SCUBE3: variants seen among roughly 807,000 people sequenced by gnomAD.
The protein encoded by SCUBE3 is signal peptide, CUB and EGF-like domain-containing protein 3.
In SCUBE3, 33 loss-of-function variants were observed where a neutral mutation model predicts 116.8. That is an observed-to-expected ratio of 0.28 (90% confidence interval 0.21 to 0.38). SCUBE3 has a LOEUF of 0.38. Ranked by LOEUF, SCUBE3 falls within the 10% of genes least tolerant of loss-of-function variation. SCUBE3 has a pLI of 1.00. For missense variants in SCUBE3, 1,007 were observed against 1,324.8 expected (o/e 0.76, Z 3.72); for synonymous variants, 418 against 496.9 (o/e 0.84, Z 2.11).
chr6:35,221,957 G>A (rs984020966), intron 1 of SCUBE3: 3 of 152,236 alleles, frequency 2.0e-5, no homozygotes, highest in Admixed American at 1.3e-4. Flanking sequence ...CATTCAAGGA[G>A]AGGAAAATAG....
Position 35,248,699 on chromosome 6 carries a change from C to CAAAT in SCUBE3, c.2978_2981dup (p.Ter994=). On this transcript the variant is annotated frameshift_variant, in exon 22 of 22. Transcript: ENST00000274938. LOFTEE classifies it high-confidence loss of function. ...AAGTTTCCAGCTTCCTGAGGCCCTA[C>CAAAT]AAATAGTAACCCTAGGCTCAGAGAC... 2 of 1,613,882 alleles carry CAAAT rather than the reference C, an allele frequency of 1.2e-6. No individual in the cohort carries two copies. Among genetic ancestry groups the CAAAT allele is most frequent in the Non-Finnish European group, 1.7e-6 (2 of 1,179,920 alleles).
At chr6:35,222,274 T>TA (rs1783145773) in intron 1 of SCUBE3, 1 of 152,198 alleles carries the variant, frequency 6.6e-6, no homozygotes, top group Non-Finnish European at 1.5e-5. Context: ...ATGAAGTATT[T>TA]ACTTGGGAAT....
intron 21 of SCUBE3, among the ~76,000 whole-genome samples, chr6:35,247,319 T>C (rs1784383390): frequency 6.6e-6 from 1 of 150,930 alleles, no homozygotes; most frequent in Non-Finnish European, 1.5e-5. Context: ...GCGCCTGCAA[T>C]CCCAGCTACT....
intron 1 of SCUBE3, among the ~76,000 whole-genome samples, chr6:35,217,248 CGCGGCGGGGGG>C (rs1782950184): frequency 3.4e-3 from 2 of 582 alleles, no homozygotes; most frequent in Admixed American, 9.6e-3. Flanking sequence ...GGGGGGGAGG[CGCGGCGGGGGG>C]GGGGGTGTGT....
chr6:35,215,183 C>T (rs1397175525), intron 1 of SCUBE3, among the ~76,000 whole-genome samples: 4 of 152,124 alleles, frequency 2.6e-5, no homozygotes, highest in African/African-American at 9.7e-5. Flanking sequence ...ATTAAGGCCT[C>T]GGGTTTCCAA....
Position 35,243,009 on chromosome 6 carries a change from A to G in SCUBE3, c.1694-12A>G. 1 of 1,613,130 alleles carries G rather than the reference A, an allele frequency of 6.2e-7. No individual in the cohort carries two copies. Among genetic ancestry groups the G allele is most frequent in the Non-Finnish European group, 8.5e-7 (1 of 1,179,300 alleles). On this transcript the variant is annotated splice_polypyrimidine_tract_variant and intron_variant, in intron 14 of 21. Coordinates refer to ENST00000274938, the MANE Select transcript of SCUBE3 (RefSeq NM_152753.4). The surrounding 1 kb of genome is among the most constrained non-coding windows in gnomAD (Gnocchi z 6.6). The stretch of plus-strand genomic sequence containing the variant: ...TTTCTCCTCCCTGATACACACGGCC[A>G]TCCACCACCAGCCAGCTGTGGGCTG...
intron 1 of SCUBE3, among the ~76,000 whole-genome samples, chr6:35,226,479 C>CTTTTTTTTTTTTTTTTTTTT (rs1562044702): frequency 1.7e-4 from 9 of 52,164 alleles, no homozygotes; most frequent in South Asian, 1.1e-3. Flanking sequence ...TTTTCTATGT[C>CTTTTTTTTTTTTTTTTTTTT]CTTTTTTTTT....
Position 35,233,418 on chromosome 6 carries a change from G to A in SCUBE3, c.712+117G>A, listed in dbSNP as rs1029807696. 1 of 690,256 alleles carries A rather than the reference G, an allele frequency of 1.4e-6. No homozygotes were observed. Among genetic ancestry groups the A allele is most frequent in the Non-Finnish European group, 2.6e-6 (1 of 385,182 alleles). 42.8% of individuals were successfully genotyped at this position (690,256 alleles called of 1,614,324 possible). On this transcript the variant is annotated intron_variant, in intron 6 of 21. Coordinates refer to ENST00000274938, the MANE Select transcript of SCUBE3 (RefSeq NM_152753.4). The surrounding 1 kb of genome is among the most constrained non-coding windows in gnomAD (Gnocchi z 5.7). ...CCAGGTGCTGGGCACAGAGGGACTG[G>A]TGAGGGAGTTAAGACCCAGAAAATG...
intron 1 of SCUBE3, chr6:35,224,270 G>C (rs1171697443): frequency 6.6e-6 from 1 of 152,248 alleles, no homozygotes; most frequent in Admixed American, 6.5e-5. Flanking sequence ...TAAGCATTGT[G>C]AGCAGGGAGG....
At position 35,242,768 on chromosome 6, in the gene SCUBE3, G is replaced by C. The variant is rs771897021; in HGVS notation, c.1681G>C (p.Glu561Gln). The C allele has an allele frequency of 6.2e-7, 1 of 1,613,450 alleles. No homozygotes were observed. The highest frequency in any genetic ancestry group is 8.5e-7 in the Non-Finnish European group (1 of 1,179,452). ...TLELEAEVRAEETTASCGLPC... is the reference protein window; with the variant it reads ...TLELEAEVRAQETTASCGLPC... ...GGAACTGGAGGCAGAGGTCAGAGCC[G>C]AAGAAACCACAGGTGGGACTGGGGG... Residue 561 changes from glutamate (E) to glutamine (Q), a missense_variant, in exon 14 of 22, where the codon GAA (glutamate) becomes CAA (glutamine). Glu to Gln is a conservative substitution (Grantham distance 29). Around this residue, in one of 5 missense-constraint regions of SCUBE3, gnomAD observed 544 missense variants for 638.9 expected, o/e 0.85. Transcript: ENST00000274938.
Position 35,214,332 on chromosome 6 carries a change from C to G in SCUBE3, c.-87C>G, listed in dbSNP as rs1581900390. On this transcript the variant is annotated 5_prime_UTR_variant, in exon 1 of 22. Coordinates refer to ENST00000274938, the MANE Select transcript of SCUBE3 (RefSeq NM_152753.4). This position sits in a 1 kb window ranked among gnomAD's most constrained non-coding sequence, Gnocchi z 6.3. Reference sequence around the variant, plus strand: ...CCGGCGGGGCGCCCCCTCCCCTCCCCCTCCTGCGAGCTGGGATCCGGCCGG... The same window carrying G: ...CCGGCGGGGCGCCCCCTCCCCTCCCGCTCCTGCGAGCTGGGATCCGGCCGG... The G allele has an allele frequency of 3.7e-6, 3 of 805,334 alleles. No individual in the cohort carries two copies. In the East Asian group the frequency reaches 1.0e-4, roughly 28 times the overall value. The allele number at this position is 805,334 out of a possible 1,614,324, so 49.9% of individuals were successfully genotyped here. A position where few individuals can be genotyped will look rare whatever the true frequency, so the allele number is the denominator to read the frequency against.
Position 35,250,992 on chromosome 6 carries a change from C to A in SCUBE3, c.*2287C>A, listed in dbSNP as rs1784534201. ...TTTGTCTTTCTGGGTCAAGGAGGGC[C>A]ACTGTAAAGATGCAAAATGGCTGCT... On this transcript the variant is annotated 3_prime_UTR_variant, in exon 22 of 22. Coordinates refer to ENST00000274938, the MANE Select transcript of SCUBE3 (RefSeq NM_152753.4). 1 of 151,988 alleles carries A rather than the reference C, an allele frequency of 6.6e-6. No individual in the cohort carries two copies. The highest frequency in any genetic ancestry group is 6.6e-5 in the Admixed American group (1 of 15,262). The allele number at this position is 151,988 out of a possible 1,614,324, so 9.4% of individuals were successfully genotyped here.
At chr6:35,237,496 G>A (rs188926996) in intron 6 of SCUBE3, among the ~76,000 whole-genome samples, 5 of 152,208 alleles carry the variant, frequency 3.3e-5, no homozygotes, top group African/African-American at 1.2e-4. Flanking sequence ...AAGACATAGT[G>A]GAAAGAGGAA....
chr6:35,214,407 G>A lies in SCUBE3; in HGVS notation c.-12G>A. On this transcript the variant is annotated 5_prime_UTR_variant, in exon 1 of 22. Transcript: ENST00000274938. The surrounding 1 kb of genome is among the most constrained non-coding windows in gnomAD (Gnocchi z 6.3). ...ACCGGCCCCGGCGGCTGGGCCGCCA[G>A]TAGCTCCAGCCATGGGCTCGGGGCG... The A allele has an allele frequency of 1.4e-6, 2 of 1,432,612 alleles. No homozygotes were observed. The highest frequency in any genetic ancestry group is 1.8e-6 in the Non-Finnish European group (2 of 1,090,720). The allele number at this position is 1,432,612 out of a possible 1,614,324, so 88.7% of individuals were successfully genotyped here. A position where few individuals can be genotyped will look rare whatever the true frequency, so the allele number is the denominator to read the frequency against.
chr6:35,224,518 C>A (rs375029728), intron 1 of SCUBE3: 1 of 150,822 alleles, frequency 6.6e-6, no homozygotes, highest in East Asian at 2.0e-4. Context: ...ATCCCAGATA[C>A]TCAGGAGGCT....
rs1255973797 is a variant in SCUBE3, at chr6:35,252,868, C to T, written c.*4163C>T. The T allele has an allele frequency of 6.6e-6, 1 of 152,144 alleles. No individual in the cohort carries two copies. The allele number at this position is 152,144 out of a possible 1,614,324, so 9.4% of individuals were successfully genotyped here. On this transcript the variant is annotated 3_prime_UTR_variant, in exon 22 of 22. Coordinates refer to ENST00000274938, the MANE Select transcript of SCUBE3 (RefSeq NM_152753.4). The stretch of plus-strand genomic sequence containing the variant: ...CATGTGGGAGGCTTTTTGTTAAATG[C>T]AGAAGAAATTTCAAAATATTGTATT...
chr6:35,246,342 T>C, intron 21 of SCUBE3, 57 bp downstream of exon 21: 2 of 1,202,304 alleles, frequency 1.7e-6, no homozygotes, highest in African/African-American at 1.5e-5. Context: ...TAACAATATA[T>C]AGGCAATAGG....
chr6:35,246,911 G>A (rs1428227484), intron 21 of SCUBE3, among the ~76,000 whole-genome samples: 14 of 151,646 alleles, frequency 9.2e-5, no homozygotes, highest in Admixed American at 3.3e-4. Context: ...CTCAGGAGGC[G>A]CAGGTTGCAG....
chr6:35,252,469 A>C lies in SCUBE3; in HGVS notation c.*3764A>C, dbSNP rs990574595. ...AATGGATTATGAGGTCATATCTCAA[A>C]ATGTCAGAAAACGTTATAGAGCACT... On this transcript the variant is annotated 3_prime_UTR_variant, in exon 22 of 22. Coordinates refer to ENST00000274938, the MANE Select transcript of SCUBE3 (RefSeq NM_152753.4). 1.3e-5 allele frequency: 2 copies of C among 152,214 alleles called. No individual in the cohort carries two copies. The highest frequency in any genetic ancestry group is 4.8e-5 in the African/African-American group (2 of 41,454). The allele number at this position is 152,214 out of a possible 1,614,324, so 9.4% of individuals were successfully genotyped here.
Sources: allele counts gnomAD v4.1 joint callset (sites outside exome capture counted in the v4.1 genomes callset), GRCh38; gene constraint gnomAD v4.1.1; regional missense constraint gnomAD v4.1.1; non-coding constraint Gnocchi (gnomAD v3.1); transcripts MANE v1.5; gene names NCBI Gene and HGNC (gene_info 2026-07-23, HGNC 2026-07-21).